Variants in GRK5 observed in about 807,000 individuals in gnomAD.
GRK5 encodes the protein G protein-coupled receptor kinase 5, also known as g protein-coupled receptor kinase GRK5.
A neutral mutation model predicts 78.4 loss-of-function variants in GRK5; 40 were observed. That is an observed-to-expected ratio of 0.51 (90% confidence interval 0.40 to 0.66). The LOEUF is 0.66. Ranked by LOEUF, GRK5 falls within the 30% of genes least tolerant of loss-of-function variation. GRK5 has a pLI of 0.00. For synonymous variants in GRK5, 289 were observed against 296.8 expected, an observed-to-expected ratio of 0.97 and a Z score of 0.27; for missense variants, 598 against 759.9, an observed-to-expected ratio of 0.79 and a Z score of 2.50.
intron 11 of GRK5, among the ~76,000 whole-genome samples, chr10:119,442,753 A>C (rs1429032412): frequency 6.6e-6 from 1 of 152,130 alleles, no homozygotes; most frequent in Non-Finnish European, 1.5e-5. Context: ...GCTGCACAGG[A>C]GGTGTGCCTT....
intron 1 of GRK5, among the ~76,000 whole-genome samples, chr10:119,218,863 T>A (rs1446465905): frequency 6.6e-6 from 1 of 152,036 alleles, no homozygotes; most frequent in African/African-American, 2.4e-5. Flanking sequence ...AGCTTGAGTA[T>A]CCCTAACTGA....
intron 1 of GRK5, among the ~76,000 whole-genome samples, chr10:119,290,971 T>A (rs941279159): frequency 2.6e-5 from 4 of 151,958 alleles, no homozygotes; most frequent in Admixed American, 6.6e-5. Context: ...GAGCCCAGGA[T>A]GGAGTGAGGA....
chr10:119,429,973 G>A (rs1852782113), intron 6 of GRK5, among the ~76,000 whole-genome samples: 1 of 152,154 alleles, frequency 6.6e-6, no homozygotes, highest in Non-Finnish European at 1.5e-5. Flanking sequence ...TGGGACGCTG[G>A]TCCTCTGTGG....
At chr10:119,351,597 T>G (rs1251533672) in intron 2 of GRK5, among the ~76,000 whole-genome samples, 1 of 152,184 alleles carries the variant, frequency 6.6e-6, no homozygotes, top group African/African-American at 2.4e-5. Flanking sequence ...CCTTATAAAT[T>G]ACCCAGTCTC....
At chr10:119,263,803 G>A (rs541544979) in intron 1 of GRK5, among the ~76,000 whole-genome samples, 29 of 152,160 alleles carry the variant, frequency 1.9e-4, no homozygotes, top group African/African-American at 6.7e-4. Flanking sequence ...GCGGGCGCCT[G>A]TATAGTCCCA....
In GRK5 at chr10:119,458,856, G is replaced by T. The variant is rs772938867; in HGVS notation, c.*3789G>T. The T allele has an allele frequency of 6.6e-6, 1 of 152,100 alleles. No homozygotes were observed. Among genetic ancestry groups the T allele is most frequent in the Non-Finnish European group, 1.5e-5 (1 of 68,036 alleles). 9.4% of individuals were successfully genotyped at this position (152,100 alleles called of 1,614,324 possible). A position where few individuals can be genotyped will look rare whatever the true frequency, so the allele number is the denominator to read the frequency against. On this transcript the variant is annotated 3_prime_UTR_variant, in exon 16 of 16. Transcript: ENST00000392870. Reference sequence around the variant, plus strand: ...CCACCGAGCCGCTGCCCTCAAAACGGAGGGGGCACCGCAGCCTCCTTGAGC... The same window carrying T: ...CCACCGAGCCGCTGCCCTCAAAACGTAGGGGGCACCGCAGCCTCCTTGAGC...
chr10:119,222,471 C>G (rs1848669870), intron 1 of GRK5, among the ~76,000 whole-genome samples: 1 of 152,096 alleles, frequency 6.6e-6, no homozygotes, highest in Non-Finnish European at 1.5e-5. Context: ...TTCTGTAGCT[C>G]TTCCTCTGGT....
chr10:119,349,893 C>T (rs1429379254), intron 2 of GRK5, among the ~76,000 whole-genome samples: 1 of 152,256 alleles, frequency 6.6e-6, no homozygotes, highest in African/African-American at 2.4e-5. Context: ...TGCGAGTGTG[C>T]CTGTCTTCAC....
Position 119,443,736 on chromosome 10 carries a change from A to G in GRK5, c.1250A>G (p.Lys417Arg). 1 of 1,602,100 alleles carries G rather than the reference A, an allele frequency of 6.2e-7. No homozygotes were observed. The highest frequency in any genetic ancestry group is 8.5e-7 in the Non-Finnish European group (1 of 1,171,132). ...VYSHKFSEEA[K>R]SICKMLLTKD... The stretch of plus-strand genomic sequence containing the variant: ...TCCCACAAGTTCTCCGAGGAGGCCA[A>G]GTCCATCTGCAAGATGGTGAGCTCC... Residue 417 changes from lysine to arginine, a missense_variant, in exon 12 of 16, where the codon AAG (lysine) becomes AGG (arginine). Coordinates refer to ENST00000392870, the MANE Select transcript of GRK5 (RefSeq NM_005308.3).
At chr10:119,391,631 G>A (rs1016124220) in intron 3 of GRK5, among the ~76,000 whole-genome samples, 2 of 151,070 alleles carry the variant, frequency 1.3e-5, no homozygotes, top group Non-Finnish European at 3.0e-5. Flanking sequence ...GGGAGCCTGC[G>A]GTGCCCAGGC....
chr10:119,229,918 CA>C (rs1848798406), intron 1 of GRK5, among the ~76,000 whole-genome samples: 1 of 152,184 alleles, frequency 6.6e-6, no homozygotes, highest in African/African-American at 2.4e-5. Context: ...AGGCTAAGGA[CA>C]CATTCAGGTA....
chr10:119,337,397 C>T (rs897425656), intron 2 of GRK5, among the ~76,000 whole-genome samples: 1 of 152,166 alleles, frequency 6.6e-6, no homozygotes, highest in Non-Finnish European at 1.5e-5. Flanking sequence ...TTTATTGTCT[C>T]ACAGTTCTGG....
chr10:119,454,235 C>T (rs187532986), intron 15 of GRK5, among the ~76,000 whole-genome samples: 1 of 152,316 alleles, frequency 6.6e-6, no homozygotes, highest in Admixed American at 6.5e-5. Flanking sequence ...ACCCTGGGTC[C>T]TAGAAAAAGA....
intron 4 of GRK5, among the ~76,000 whole-genome samples, chr10:119,399,160 T>C (rs1337164450): frequency 1.3e-5 from 2 of 152,204 alleles, no homozygotes; most frequent in African/African-American, 4.8e-5. Context: ...CCTGCCAGCA[T>C]TTTTTCCCTT....
chr10:119,420,632 G>A (rs1415226296), intron 4 of GRK5, among the ~76,000 whole-genome samples: 1 of 148,376 alleles, frequency 6.7e-6, no homozygotes, highest in East Asian at 2.0e-4. Flanking sequence ...AGGCTGTAGT[G>A]CAGTGGTGTG....
At chr10:119,286,454 T>G (rs1849847852) in intron 1 of GRK5, among the ~76,000 whole-genome samples, 5 of 152,270 alleles carry the variant, frequency 3.3e-5, no homozygotes. Context: ...CAGTACCATC[T>G]AATTGTTGGT....
chr10:119,452,325 TGAGCCCTGGGCTGGGCACCCAGGTGCCCC>T lies in GRK5; in HGVS notation c.1405-341_1405-313del, dbSNP rs556547200. On this transcript the variant is annotated intron_variant, in intron 13 of 15. Coordinates refer to ENST00000392870, the MANE Select transcript of GRK5 (RefSeq NM_005308.3). The surrounding 1 kb of genome is among the most constrained non-coding windows in gnomAD (Gnocchi z 4.4). Reference sequence around the variant, plus strand: ...ATGGGTAAGGGAGTGATGGCAGGAATGAGCCCTGGGCTGGGCACCCAGGTGCCCCGAGCTCCTGTGTCACCCCAGCCAGG... The same window carrying T: ...ATGGGTAAGGGAGTGATGGCAGGAATGAGCTCCTGTGTCACCCCAGCCAGG... 8.9e-3 allele frequency: 2,487 copies of T among 280,672 alleles called. 24 individuals are homozygous for T. The highest frequency in any genetic ancestry group is 0.011 in the Non-Finnish European group (1,655 of 146,268). 17.4% of individuals were successfully genotyped at this position (280,672 alleles called of 1,614,324 possible). A position where few individuals can be genotyped will look rare whatever the true frequency, so the allele number is the denominator to read the frequency against.
At chr10:119,367,818 T>G (rs1445899575) in intron 2 of GRK5, among the ~76,000 whole-genome samples, 1 of 152,214 alleles carries the variant, frequency 6.6e-6, no homozygotes, top group African/African-American at 2.4e-5. Flanking sequence ...CTGGGGGTCT[T>G]GGGACCCTGA....
At chr10:119,357,689 A>G (rs997340742) in intron 2 of GRK5, among the ~76,000 whole-genome samples, 4 of 152,200 alleles carry the variant, frequency 2.6e-5, no homozygotes, top group African/African-American at 9.7e-5. Flanking sequence ...ACAGCTTTGC[A>G]TGAGCTTCTT....
Sources: allele counts gnomAD v4.1 joint callset (sites outside exome capture counted in the v4.1 genomes callset), GRCh38; gene constraint gnomAD v4.1.1; non-coding constraint Gnocchi (gnomAD v3.1); transcripts MANE v1.5; gene names NCBI Gene and HGNC (gene_info 2026-07-23, HGNC 2026-07-21).